Variants in C22orf23 observed in about 807,000 individuals in gnomAD.
C22orf23 encodes the protein UPF0193 protein EVG1.
C22orf23 carries 30 observed loss-of-function variants against 29.7 expected under a neutral mutation model. The ratio of observed to expected loss-of-function variants is 1.01; its 90% CI spans 0.76 to 1.37. The LOEUF (loss-of-function observed/expected upper bound fraction) is 1.37. C22orf23 is among the 40% of genes most tolerant of loss of function. The probability of loss-of-function intolerance (pLI) is 0.00; values close to 1 mark genes in which losing one functional copy is unlikely to be tolerated. For missense variants in C22orf23, 237 were observed against 273.1 expected (o/e 0.87, Z 0.93); for synonymous variants, 90 against 96.1 (o/e 0.94, Z 0.37).
At chr22:37,952,583 A>G (rs891172621) in intron 2 of C22orf23, 1 of 123,700 alleles carries the variant, frequency 8.1e-6, no homozygotes, top group African/African-American at 3.1e-5. Flanking sequence ...AGAATTTTGA[A>G]GCTTTCTGAA....
chr22:37,944,616 C>G, intron 5 of C22orf23, 99 bp from the exon 6 acceptor site: 1 of 1,086,518 alleles, frequency 9.2e-7, no homozygotes, highest in Non-Finnish European at 1.4e-6. Context: ...AATAGTGTTT[C>G]TAGGCCGGGC....
In C22orf23 at chr22:37,945,051, A is replaced by T; in HGVS notation, c.472T>A (p.Phe158Ile). 6.2e-7 allele frequency: 1 copy of T among 1,606,956 alleles called. No individual in the cohort carries two copies. Among genetic ancestry groups the T allele is most frequent in the Admixed American group, 1.7e-5 (1 of 58,630 alleles). ...TCCGTCGGAGTCTTACGCTCTTCAA[A>T]TCGGTCTAGCTCAGGGGCTGGAGCC... is the stretch of plus-strand genomic sequence containing the variant. The part of the protein sequence containing the change: ...QKAPAPELDR[F>I]EELVKEIQER... The change falls in exon 5 of 7, where the codon TTT becomes ATT. Residue 158 changes from phenylalanine (F) to isoleucine (I), a missense_variant. Phe to Ile is a conservative substitution (Grantham distance 21). Transcript: ENST00000403305.
intron 3 of C22orf23, 36 bp from the exon 4 acceptor site, chr22:37,947,499 T>A (rs749711532): frequency 1.1e-6 from 1 of 909,050 alleles, no homozygotes; most frequent in Non-Finnish European, 1.5e-6. Flanking sequence ...AGGACCCACA[T>A]GGCTTTTTTT....
At chr22:37,945,841 C>T (rs546646193) in intron 4 of C22orf23, among the ~76,000 whole-genome samples, 5 of 148,920 alleles carry the variant, frequency 3.4e-5, no homozygotes, top group Non-Finnish European at 7.4e-5. Flanking sequence ...AGTCCAGGCA[C>T]GGTGGCTCAC....
At chr22:37,947,501 G>GT in intron 3 of C22orf23, 38 bp from the exon 4 acceptor site, 7 of 974,034 alleles carry the variant, frequency 7.2e-6, no homozygotes, top group South Asian at 6.6e-5. Context: ...GACCCACATG[G>GT]CTTTTTTTTT....
chr22:37,947,787 G>C (rs564794570), intron 3 of C22orf23, among the ~76,000 whole-genome samples: 51 of 150,362 alleles, frequency 3.4e-4, no homozygotes, highest in Non-Finnish European at 6.2e-4. Flanking sequence ...TTATAGGCAT[G>C]AGCTATTGCA....
chr22:37,952,591 G>A (rs1282196394), intron 2 of C22orf23: 1 of 116,606 alleles, frequency 8.6e-6, no homozygotes, highest in East Asian at 2.9e-4. Flanking sequence ...GAAGCTTTCT[G>A]AACCCCAGGC....
chr22:37,953,431 C>G lies in C22orf23; in HGVS notation c.-10+17G>C, dbSNP rs1931197809. On this transcript the variant is annotated intron_variant, in intron 1 of 6. Coordinates refer to ENST00000403305, the MANE Select transcript of C22orf23 (RefSeq NM_032561.5). Reference sequence around the variant, plus strand: ...CAACAGTACCCACTGAGTGATATGCCAAAATTGAAATTTCACCCTAAGACC... The same window carrying G: ...CAACAGTACCCACTGAGTGATATGCGAAAATTGAAATTTCACCCTAAGACC... The G allele has an allele frequency of 2.0e-5, 11 of 536,896 alleles. No homozygotes were observed. The highest frequency in any genetic ancestry group is 3.6e-5 in the Non-Finnish European group (11 of 303,896). 33.3% of individuals were successfully genotyped at this position (536,896 alleles called of 1,614,324 possible). A position where few individuals can be genotyped will look rare whatever the true frequency, so the allele number is the denominator to read the frequency against.
chr22:37,953,271 G>A lies in C22orf23; in HGVS notation c.-9-113C>T, dbSNP rs1931184109. The A allele has an allele frequency of 1.4e-5, 10 of 695,684 alleles. No individual in the cohort carries two copies. The South Asian group carries it at 1.8e-4, about 12-fold the overall frequency. The allele number at this position is 695,684 out of a possible 1,614,324, so 43.1% of individuals were successfully genotyped here. On this transcript the variant is annotated intron_variant, in intron 1 of 6. Coordinates refer to ENST00000403305, the MANE Select transcript of C22orf23 (RefSeq NM_032561.5). ...AGCGGGGATCGAGCCAGAGAATGAT[G>A]CCGCCAGTTAATATTGCGACAGTGC...
At chr22:37,946,612 G>A (rs1001625682) in intron 4 of C22orf23, among the ~76,000 whole-genome samples, 3 of 150,838 alleles carry the variant, frequency 2.0e-5, no homozygotes, top group Non-Finnish European at 4.4e-5. Flanking sequence ...GGGAGCGGTC[G>A]TTTGTGCCTG....
In C22orf23 at chr22:37,951,484, G is replaced by A. The variant is rs141612323; in HGVS notation, c.142C>T (p.Arg48Cys). The A allele has an allele frequency of 1.8e-3, 2,849 of 1,613,860 alleles. 10 individuals carry two copies. The highest frequency in any genetic ancestry group is 2.7e-3 in the South Asian group (245 of 91,070). Residue 48 changes from arginine (R) to cysteine (C), a missense_variant, in exon 3 of 7, where the codon CGC (arginine) becomes TGC (cysteine). Coordinates refer to ENST00000403305, the MANE Select transcript of C22orf23 (RefSeq NM_032561.5). ...KESKLTNIQQ[R>C]HIMDIMKRGD... ...CTTTTCATGATGTCCATGATGTGGCGCTGCTGGATGTTCGTCAGTTTGGAT... is the reference window on the plus strand; with the variant it reads ...CTTTTCATGATGTCCATGATGTGGCACTGCTGGATGTTCGTCAGTTTGGAT...
rs745609325 is a variant in C22orf23 at position 37,945,137 on chromosome 22, A to T, written c.386T>A (p.Ile129Asn). Residue 129 changes from isoleucine to asparagine, a missense_variant, in exon 5 of 7, where the codon ATC becomes AAC. Transcript: ENST00000403305. The part of the protein sequence containing the change: ...LEKEKQRLQN[I>N]FATGKDMEER... ...CTCCATGTCCTTCCCTGTGGCAAAG[A>T]TATTTTGGAGTCTTTGTTTCTCCTT... 6 of 1,613,634 alleles carry T rather than the reference A, an allele frequency of 3.7e-6. No individual in the cohort carries two copies. The Admixed American group carries it at 1.0e-4, about 27-fold the overall frequency.
At chr22:37,952,978 A>G in intron 2 of C22orf23, 69 bp downstream of exon 2, 1 of 1,152,054 alleles carries the variant, frequency 8.7e-7, no homozygotes, top group South Asian at 1.3e-5. Flanking sequence ...CCGTCAGTGG[A>G]AAAATTGTCT....
At chr22:37,950,454 A>G (rs938882925) in intron 3 of C22orf23, among the ~76,000 whole-genome samples, 1 of 151,696 alleles carries the variant, frequency 6.6e-6, no homozygotes, top group African/African-American at 2.4e-5. Context: ...TATTTTAATT[A>G]TTTTGAGATT....
chr22:37,945,644 G>A (rs963322004), intron 4 of C22orf23, among the ~76,000 whole-genome samples: 3 of 150,372 alleles, frequency 2.0e-5, no homozygotes, highest in African/African-American at 7.3e-5. Flanking sequence ...GGACGTCATC[G>A]TGCCCAGCTA....
intron 4 of C22orf23, 98 bp downstream of exon 4, chr22:37,947,183 T>C: frequency 7.7e-7 from 1 of 1,290,332 alleles, no homozygotes; most frequent in African/African-American, 1.5e-5. Context: ...GGGATTTGAT[T>C]AGCTACCTTC....
At chr22:37,949,864 C>T (rs929048342) in intron 3 of C22orf23, among the ~76,000 whole-genome samples, 5 of 151,964 alleles carry the variant, frequency 3.3e-5, no homozygotes, top group Non-Finnish European at 5.9e-5. Context: ...TTTTTTTGGT[C>T]ACACACCCAA....
intron 3 of C22orf23, among the ~76,000 whole-genome samples, chr22:37,947,935 G>A (rs1286041668): frequency 6.6e-6 from 1 of 151,592 alleles, no homozygotes; most frequent in African/African-American, 2.4e-5. Flanking sequence ...GTGTAACCCT[G>A]TCTGTACTAA....
At chr22:37,944,809 G>A in intron 5 of C22orf23, 1 of 577,278 alleles carries the variant, frequency 1.7e-6, no homozygotes, top group South Asian at 2.3e-5. Flanking sequence ...TGAGGCAGGA[G>A]GGATTGCTTG....
Sources: gnomAD v4.1 joint callset for allele counts (sites outside exome capture counted in the v4.1 genomes callset) on GRCh38, gnomAD v4.1.1 for gene constraint, MANE v1.5 for transcripts, NCBI Gene and HGNC (gene_info 2026-07-23, HGNC 2026-07-21) for gene names.